RFX3: variants seen among roughly 807,000 people sequenced by gnomAD.
RFX3 encodes the protein transcription factor RFX3.
RFX3 carries 14 observed loss-of-function variants against 98.6 expected under a neutral mutation model. The ratio of observed to expected loss-of-function variants is 0.14; its 90% CI spans 0.09 to 0.22. RFX3 has a LOEUF of 0.22. RFX3 is among the 10% of genes least tolerant of loss of function. The pLI is 1.00. For synonymous variants in RFX3, 383 were observed against 328.4 expected (o/e 1.17, Z -1.80); for missense variants, 639 against 926.9 (o/e 0.69, Z 4.03).
chr9:3,351,919 G>C (rs143047743), intron 2 of RFX3, among the ~76,000 whole-genome samples: 73 of 151,934 alleles, frequency 4.8e-4, no homozygotes, highest in African/African-American at 1.7e-3. Context: ...TGACATTTTT[G>C]TGAATTTATT....
intron 5 of RFX3, 87 bp downstream of exon 5, chr9:3,301,459 A>G: frequency 1.1e-6 from 1 of 894,284 alleles, no homozygotes; most frequent in Non-Finnish European, 1.8e-6. Flanking sequence ...AAAATAAATA[A>G]GTAAATAAAT....
At chr9:3,504,879 TTATATATAATATAACATATATTATATA>T (rs1490176238) in intron 1 of RFX3, among the ~76,000 whole-genome samples, 1,600 of 53,098 alleles carry the variant, frequency 0.03, 88 homozygotes, top group African/African-American at 0.12. Flanking sequence ...ATTATATATA[TTATATATAATATAACATATATTATATA>T]TATATATAAT....
intron 1 of RFX3, among the ~76,000 whole-genome samples, chr9:3,487,979 A>G (rs1231370881): frequency 6.6e-6 from 1 of 152,180 alleles, no homozygotes; most frequent in East Asian, 1.9e-4. Context: ...AGCTTTGTAA[A>G]GCATGACCTT....
chr9:3,449,614 C>T (rs1038161163), intron 1 of RFX3, among the ~76,000 whole-genome samples: 2 of 152,144 alleles, frequency 1.3e-5, no homozygotes, highest in Non-Finnish European at 2.9e-5. Context: ...ATCCCAGGAA[C>T]TGGGGAGGCC....
At chr9:3,426,745 T>C (rs939837390) in intron 1 of RFX3, among the ~76,000 whole-genome samples, 1 of 152,194 alleles carries the variant, frequency 6.6e-6, no homozygotes. Flanking sequence ...CTGTCTCCTG[T>C]CACCCCCAGA....
intron 1 of RFX3, among the ~76,000 whole-genome samples, chr9:3,454,308 T>C (rs1377244902): frequency 6.6e-6 from 1 of 152,188 alleles, no homozygotes; most frequent in African/African-American, 2.4e-5. Flanking sequence ...AGAGAAGAAA[T>C]ACATGTATAT....
At chr9:3,500,897 C>G (rs916243918) in intron 1 of RFX3, among the ~76,000 whole-genome samples, 1 of 152,056 alleles carries the variant, frequency 6.6e-6, no homozygotes, top group Non-Finnish European at 1.5e-5. Flanking sequence ...CTTAAAGAAT[C>G]AAAGTTCTAA....
At chr9:3,439,675 C>T (rs919227942) in intron 1 of RFX3, among the ~76,000 whole-genome samples, 8 of 151,854 alleles carry the variant, frequency 5.3e-5, no homozygotes, top group East Asian at 1.9e-4. Flanking sequence ...AGGAAAACTC[C>T]GGCTCAAATG....
rs568937363 is a variant in RFX3 at position 3,478,463 on chromosome 9, A to G, written c.-9+47284T>C. On this transcript the variant is annotated intron_variant, in intron 1 of 16. Coordinates refer to ENST00000617270, the MANE Select transcript of RFX3 (RefSeq NM_001282116.2). The stretch of plus-strand genomic sequence containing the variant: ...TTTTTATTTGTAAGCCTGGCTTCCA[A>G]GAAGTCATACCTGGACCAGTAAAAT... Among the ~76,000 whole-genome samples, 21 of 151,098 alleles carry G rather than the reference A, an allele frequency of 1.4e-4. No homozygotes were observed. The South Asian group carries it at 4.4e-3, about 32-fold the overall frequency.
chr9:3,247,362 G>T, intron 15 of RFX3: 3 of 980,420 alleles, frequency 3.1e-6, no homozygotes, highest in South Asian at 4.6e-5. Context: ...AAGCATATGG[G>T]TTTGAAAATC....
chr9:3,394,887 G>A (rs1166240325), intron 2 of RFX3: 14 of 962,932 alleles, frequency 1.5e-5, no homozygotes, highest in Non-Finnish European at 1.7e-5. Flanking sequence ...CCCTGCGTAT[G>A]AATAAGACCT....
chr9:3,304,800 G>T (rs986215076), intron 4 of RFX3, among the ~76,000 whole-genome samples: 1 of 151,906 alleles, frequency 6.6e-6, no homozygotes, highest in South Asian at 2.1e-4. Context: ...AAATTACCCA[G>T]TCTCAGATAT....
intron 2 of RFX3, among the ~76,000 whole-genome samples, chr9:3,355,991 A>G (rs370073989): frequency 1.4e-4 from 21 of 152,030 alleles, no homozygotes; most frequent in African/African-American, 4.3e-4. Context: ...ATTGAATTGA[A>G]TGTTACTGAA....
intron 16 of RFX3, 130 bp downstream of exon 16, chr9:3,228,717 T>C (rs769862473): frequency 2.0e-5 from 13 of 648,876 alleles, no homozygotes; most frequent in African/African-American, 3.7e-5. Context: ...GACAGGAGTT[T>C]CCTATTTATC....
rs1000291266 is a variant in RFX3 at position 3,219,468 on chromosome 9, G to C, written c.*5574C>G. 4 of 149,478 alleles carry C rather than the reference G, an allele frequency of 2.7e-5. No homozygotes were observed. Among genetic ancestry groups the C allele is most frequent in the African/African-American group, 9.8e-5 (4 of 40,720 alleles). 9.3% of individuals were successfully genotyped at this position (149,478 alleles called of 1,614,324 possible). A position where few individuals can be genotyped will look rare whatever the true frequency, so the allele number is the denominator to read the frequency against. ...ATTTATTTAAAAAAAAAAAACAAAG[G>C]AAAGAGGGGAGAAAAAGAATCAAAC... On this transcript the variant is annotated 3_prime_UTR_variant, in exon 17 of 17. Transcript: ENST00000617270.
intron 7 of RFX3, among the ~76,000 whole-genome samples, chr9:3,286,707 A>G (rs1826655011): frequency 6.6e-6 from 1 of 151,928 alleles, no homozygotes; most frequent in South Asian, 2.1e-4. Flanking sequence ...TTTACATACA[A>G]GCAAATCCCT....
chr9:3,502,810 T>C (rs1210622158), intron 1 of RFX3, among the ~76,000 whole-genome samples: 1 of 152,148 alleles, frequency 6.6e-6, no homozygotes, highest in East Asian at 1.9e-4. Flanking sequence ...TCGGTTCTCT[T>C]TCCAAAGGTA....
intron 1 of RFX3, among the ~76,000 whole-genome samples, chr9:3,500,285 A>C (rs1815843875): frequency 6.6e-6 from 1 of 152,208 alleles, no homozygotes; most frequent in Non-Finnish European, 1.5e-5. Context: ...AGCACAGCAG[A>C]GCAAATGGGA....
At chr9:3,385,477 G>A (rs1839607766) in intron 2 of RFX3, among the ~76,000 whole-genome samples, 2 of 152,024 alleles carry the variant, frequency 1.3e-5, no homozygotes, top group African/African-American at 4.8e-5. Flanking sequence ...TTCGGAGGCT[G>A]AGACGGGTAG....
Sources: allele counts gnomAD v4.1 joint callset (sites outside exome capture counted in the v4.1 genomes callset), GRCh38; gene constraint gnomAD v4.1.1; transcripts MANE v1.5; gene names NCBI Gene and HGNC (gene_info 2026-07-23, HGNC 2026-07-21).